Variants in SLC8A3 observed in about 807,000 individuals in gnomAD.
SLC8A3 encodes solute carrier family 8 member A3, also known as sodium/calcium exchanger 3.
In SLC8A3, 37 loss-of-function variants were observed where a neutral mutation model predicts 65.4. The observed-to-expected ratio is 0.57, with a 90% confidence interval of 0.44 to 0.74. The LOEUF (loss-of-function observed/expected upper bound fraction) is 0.74. Among genes scored for constraint, SLC8A3 ranks in the 30% least tolerant of loss-of-function variants. SLC8A3 has a pLI of 0.00. For synonymous variants in SLC8A3, 461 were observed against 444.5 expected, an observed-to-expected ratio of 1.04 and a Z score of -0.47; for missense variants, 1,112 against 1,172.1, an observed-to-expected ratio of 0.95 and a Z score of 0.75.
At chr14:70,187,485 T>C (rs1419162410) in intron 1 of SLC8A3, among the ~76,000 whole-genome samples, 1 of 152,082 alleles carries the variant, frequency 6.6e-6, no homozygotes, top group Non-Finnish European at 1.5e-5. Context: ...GAAGAACTGC[T>C]TTTTTCCCCG....
Position 70,107,839 on chromosome 14 carries a change from G to T in SLC8A3, c.1785-46900C>A, listed in dbSNP as rs184891435. Among the ~76,000 whole-genome samples the T allele has an allele frequency of 5.7e-4, 87 of 152,210 alleles. 1 individual carries two copies. Among genetic ancestry groups the T allele is most frequent in the Admixed American group, 5.3e-3 (81 of 15,304 alleles). ...AGCACCACAGCAGATAAATATTGCT[G>T]CCCAGATAATTTCCCTTGTCCTTCC... On this transcript the variant is annotated intron_variant, in intron 2 of 6. Transcript: ENST00000356921.
At chr14:70,187,751 G>A (rs922938304) in intron 1 of SLC8A3, among the ~76,000 whole-genome samples, 1 of 151,956 alleles carries the variant, frequency 6.6e-6, no homozygotes, top group Non-Finnish European at 1.5e-5. Flanking sequence ...GTGCAGCACT[G>A]GAGAAACCCT....
At chr14:70,082,937 A>G (rs1891161051) in intron 2 of SLC8A3, among the ~76,000 whole-genome samples, 1 of 152,066 alleles carries the variant, frequency 6.6e-6, no homozygotes, top group Admixed American at 6.6e-5. Flanking sequence ...ATTAACTTTC[A>G]TATCCCGGCA....
chr14:70,071,039 G>T (rs750054982), intron 2 of SLC8A3, among the ~76,000 whole-genome samples: 5 of 152,222 alleles, frequency 3.3e-5, no homozygotes, highest in South Asian at 4.1e-4. Flanking sequence ...GAGAAAGATT[G>T]TGGTGGGAAA....
intron 2 of SLC8A3, among the ~76,000 whole-genome samples, chr14:70,109,712 T>C (rs1893148377): frequency 6.6e-6 from 1 of 152,080 alleles, no homozygotes; most frequent in African/African-American, 2.4e-5. Context: ...TGCCTCAGCC[T>C]CCCAAAGTGC....
chr14:70,128,921 G>A (rs931732020), intron 2 of SLC8A3, among the ~76,000 whole-genome samples: 11 of 152,172 alleles, frequency 7.2e-5, no homozygotes, highest in Admixed American at 3.9e-4. Context: ...TTATCACCAC[G>A]TTAATTGGCC....
chr14:70,118,516 T>A (rs928473756), intron 2 of SLC8A3, among the ~76,000 whole-genome samples: 9 of 152,238 alleles, frequency 5.9e-5, no homozygotes, highest in African/African-American at 2.2e-4. Context: ...TCTCTATTTA[T>A]TCTCCCTTGT....
At chr14:70,141,196 G>A (rs919750492) in intron 2 of SLC8A3, among the ~76,000 whole-genome samples, 2 of 152,172 alleles carry the variant, frequency 1.3e-5, no homozygotes, top group South Asian at 4.1e-4. Flanking sequence ...TTTGTTGGTG[G>A]GTTAGTTGGT....
intron 1 of SLC8A3, among the ~76,000 whole-genome samples, chr14:70,173,579 C>T (rs1033313895): frequency 2.0e-5 from 3 of 152,180 alleles, no homozygotes; most frequent in Non-Finnish European, 4.4e-5. Context: ...CCTGCTATGC[C>T]CTCCACTTTC....
At chr14:70,131,001 T>C (rs1894791793) in intron 2 of SLC8A3, among the ~76,000 whole-genome samples, 1 of 150,724 alleles carries the variant, frequency 6.6e-6, no homozygotes, top group South Asian at 2.1e-4. Context: ...ATCAAGGAGG[T>C]TGTACAACAA....
intron 2 of SLC8A3, among the ~76,000 whole-genome samples, chr14:70,144,943 T>A (rs1330916934): frequency 1.3e-5 from 2 of 152,170 alleles, no homozygotes. Context: ...CACTGTAAGC[T>A]CTTGAAGGCC....
chr14:70,155,217 A>C (rs1161782494), intron 2 of SLC8A3, among the ~76,000 whole-genome samples: 1 of 152,150 alleles, frequency 6.6e-6, no homozygotes, highest in Non-Finnish European at 1.5e-5. Context: ...AACCACGCCC[A>C]GCTGAATATT....
At chr14:70,061,329 T>C (rs1888774751) in intron 2 of SLC8A3, among the ~76,000 whole-genome samples, 1 of 152,094 alleles carries the variant, frequency 6.6e-6, no homozygotes, top group Non-Finnish European at 1.5e-5. Flanking sequence ...TGTCACATGA[T>C]AACAGTGGCA....
intron 2 of SLC8A3, among the ~76,000 whole-genome samples, chr14:70,123,003 C>T (rs1410855249): frequency 1.4e-5 from 2 of 144,368 alleles, no homozygotes; most frequent in African/African-American, 5.2e-5. Flanking sequence ...ACCCAGGAGG[C>T]GGAGCTTGCA....
intron 2 of SLC8A3, among the ~76,000 whole-genome samples, chr14:70,085,996 A>T (rs1019830306): frequency 4.6e-5 from 7 of 152,236 alleles, no homozygotes; most frequent in African/African-American, 1.7e-4. Context: ...CATGTCCTTA[A>T]CCACTATACT....
At chr14:70,099,890 C>T (rs965639080) in intron 2 of SLC8A3, among the ~76,000 whole-genome samples, 1 of 152,190 alleles carries the variant, frequency 6.6e-6, no homozygotes, top group Non-Finnish European at 1.5e-5. Context: ...TAAATCACTA[C>T]CTTACAGCAT....
rs965526077 is a variant in SLC8A3 at position 70,107,109 on chromosome 14, T to C, written c.1785-46170A>G. On this transcript the variant is annotated intron_variant, in intron 2 of 6. Coordinates refer to ENST00000356921, the MANE Select transcript of SLC8A3 (RefSeq NM_182932.3). ...GGAAAGTTAGATTGGAGCTAGATTG[T>C]GGATCCTTTGGTTCTGATTTCAACA... Among the ~76,000 whole-genome samples the C allele has an allele frequency of 1.4e-4, 21 of 152,132 alleles. 1 individual carries two copies. Among genetic ancestry groups the C allele is most frequent in the Admixed American group, 1.4e-3 (21 of 15,282 alleles).
At chr14:70,070,687 G>C (rs1453880527) in intron 2 of SLC8A3, among the ~76,000 whole-genome samples, 1 of 152,132 alleles carries the variant, frequency 6.6e-6, no homozygotes, top group Non-Finnish European at 1.5e-5. Context: ...GCTTATAAGA[G>C]AGTGATCACC....
chr14:70,077,033 A>T (rs1277198708), intron 2 of SLC8A3, among the ~76,000 whole-genome samples: 1 of 152,186 alleles, frequency 6.6e-6, no homozygotes, highest in Admixed American at 6.5e-5. Context: ...GAGATAATGG[A>T]ACCAAAACCC....
Sources: allele counts gnomAD v4.1 joint callset (sites outside exome capture counted in the v4.1 genomes callset), GRCh38; gene constraint gnomAD v4.1.1; transcripts MANE v1.5; gene names NCBI Gene and HGNC (gene_info 2026-07-23, HGNC 2026-07-21).